Variants in LIMS1 observed in about 807,000 individuals in gnomAD.
LIMS1 encodes the protein LIM and senescent cell antigen-like-containing domain protein 1.
Under a neutral mutation model 44.1 loss-of-function variants are expected in LIMS1, and 18 were observed. The observed-to-expected ratio is 0.41, with a 90% CI of 0.28 to 0.61. LIMS1 has a LOEUF of 0.61. LIMS1 is among the 20% of genes least tolerant of loss of function. The pLI, the probability that LIMS1 is intolerant of heterozygous loss-of-function variation, is 0.32. For synonymous variants in LIMS1, 93 were observed against 149.1 expected, an observed-to-expected ratio of 0.62 and a Z score of 2.74; for missense variants, 201 against 422.0, an observed-to-expected ratio of 0.48 and a Z score of 4.59.
chr2:108,644,859 G>GT (rs1409676442), intron 1 of LIMS1, among the ~76,000 whole-genome samples: 1 of 151,756 alleles, frequency 6.6e-6, no homozygotes, highest in Non-Finnish European at 1.5e-5. Flanking sequence ...GCACACACAA[G>GT]TATCAACAGC....
rs748139495 is a variant in LIMS1, at chr2:108,680,644, C to T, written c.824-51C>T. ...AGTTGAAATTCTAAGCTGCCCTGCT[C>T]CCCATACTGATGTATTTCCATGTGA... On this transcript the variant is annotated intron_variant, in intron 8 of 9. Transcript: ENST00000544547. The T allele has an allele frequency of 1.1e-5, 18 of 1,608,788 alleles. No individual in the cohort carries two copies. The East Asian group carries it at 3.3e-4, about 30-fold the overall frequency.
chr2:108,684,065 C>A, exon 10 of LIMS1: 1 of 791,654 alleles, frequency 1.3e-6, no homozygotes, highest in Non-Finnish European at 2.1e-6. Flanking sequence ...TTGATCTACC[C>A]ATATTTAAAG....
chr2:108,634,355 G>A (rs1383789124), intron 1 of LIMS1, among the ~76,000 whole-genome samples: 1 of 152,196 alleles, frequency 6.6e-6, no homozygotes, highest in African/African-American at 2.4e-5. Context: ...TAGATAATGA[G>A]GAAAGAGAAG....
At chr2:108,644,039 C>T (rs1034586431) in intron 1 of LIMS1, among the ~76,000 whole-genome samples, 14 of 152,154 alleles carry the variant, frequency 9.2e-5, no homozygotes, top group South Asian at 2.1e-4. Flanking sequence ...CAGATAAAAC[C>T]GTCACCTCCC....
chr2:108,641,278 A>C (rs551780532), intron 1 of LIMS1, among the ~76,000 whole-genome samples: 1 of 152,216 alleles, frequency 6.6e-6, no homozygotes, highest in Non-Finnish European at 1.5e-5. Flanking sequence ...TACAGTTAAG[A>C]TATCATAAAG....
chr2:108,681,212 C>T (rs1180056639), intron 9 of LIMS1: 2 of 1,252,152 alleles, frequency 1.6e-6, no homozygotes, highest in Non-Finnish European at 2.0e-6. Flanking sequence ...TGCTTTCTTC[C>T]CCCCCTGCAA....
At chr2:108,615,576 G>A (rs960048076) in intron 1 of LIMS1, among the ~76,000 whole-genome samples, 9 of 152,144 alleles carry the variant, frequency 5.9e-5, no homozygotes, top group African/African-American at 2.2e-4. Flanking sequence ...TCATGGAGAA[G>A]GATCTGGGGA....
intron 1 of LIMS1, among the ~76,000 whole-genome samples, chr2:108,574,485 C>T (rs1573354296): frequency 6.6e-6 from 1 of 152,146 alleles, no homozygotes; most frequent in East Asian, 1.9e-4. Context: ...TGACCCAAAC[C>T]TTTCACTCGA....
At chr2:108,549,090 T>G (rs1684588601) in intron 1 of LIMS1, among the ~76,000 whole-genome samples, 1 of 152,116 alleles carries the variant, frequency 6.6e-6, no homozygotes, top group South Asian at 2.1e-4. Flanking sequence ...TTGCATATAG[T>G]AGCCATTCAG....
chr2:108,549,910 C>G (rs973884385), intron 1 of LIMS1, among the ~76,000 whole-genome samples: 5 of 152,058 alleles, frequency 3.3e-5, no homozygotes, highest in African/African-American at 1.2e-4. Context: ...TTAATCAAAT[C>G]TAAGAACGTG....
At chr2:108,612,701 C>T (rs1256957713) in intron 1 of LIMS1, among the ~76,000 whole-genome samples, 1 of 152,098 alleles carries the variant, frequency 6.6e-6, no homozygotes, top group Non-Finnish European at 1.5e-5. Context: ...TCACGAGGCT[C>T]CTTTCAGAAC....
intron 1 of LIMS1, among the ~76,000 whole-genome samples, chr2:108,554,244 A>T (rs1462576649): frequency 6.6e-6 from 1 of 152,170 alleles, no homozygotes; most frequent in Non-Finnish European, 1.5e-5. Context: ...TCCTGTGGAA[A>T]ATCTAGGAGA....
At chr2:108,572,689 C>CT (rs1348629832) in intron 1 of LIMS1, among the ~76,000 whole-genome samples, 1 of 152,102 alleles carries the variant, frequency 6.6e-6, no homozygotes, top group Non-Finnish European at 1.5e-5. Context: ...CGGCCTGACT[C>CT]TTTTGCTCTT....
At chr2:108,556,509 G>T (rs973210585) in intron 1 of LIMS1, among the ~76,000 whole-genome samples, 2 of 152,134 alleles carry the variant, frequency 1.3e-5, no homozygotes, top group African/African-American at 4.8e-5. Context: ...TGGTAATTCT[G>T]TGTTTACCTT....
At chr2:108,669,851 A>G (rs1324471294) in intron 2 of LIMS1, among the ~76,000 whole-genome samples, 2 of 152,124 alleles carry the variant, frequency 1.3e-5, no homozygotes, top group East Asian at 3.8e-4. Flanking sequence ...GGGCAGCCCT[A>G]CTCATTTCAC....
intron 1 of LIMS1, among the ~76,000 whole-genome samples, chr2:108,560,573 G>C (rs902301843): frequency 2.0e-5 from 3 of 151,872 alleles, no homozygotes; most frequent in East Asian, 3.9e-4. Flanking sequence ...CTCCGTAACT[G>C]TCCTATCAAA....
chr2:108,612,029 T>TACACACACACACAC, intron 1 of LIMS1, among the ~76,000 whole-genome samples: 1 of 79,952 alleles, frequency 1.3e-5, no homozygotes, highest in African/African-American at 4.5e-5. Flanking sequence ...CACACACATA[T>TACACACACACACAC]ACACACACAC....
At chr2:108,564,242 AT>A (rs892375128) in intron 1 of LIMS1, among the ~76,000 whole-genome samples, 2 of 152,140 alleles carry the variant, frequency 1.3e-5, no homozygotes, top group African/African-American at 4.8e-5. Context: ...GCAATAAAGT[AT>A]TTTAAAATTA....
intron 1 of LIMS1, among the ~76,000 whole-genome samples, chr2:108,557,968 A>T (rs1684980213): frequency 6.6e-6 from 1 of 152,236 alleles, no homozygotes; most frequent in Admixed American, 6.5e-5. Context: ...CAAAAGGCTG[A>T]ATGTATGAAG....
Sources: allele counts gnomAD v4.1 joint callset (sites outside exome capture counted in the v4.1 genomes callset), GRCh38; gene constraint gnomAD v4.1.1; transcripts MANE v1.5; gene names NCBI Gene and HGNC (gene_info 2026-07-23, HGNC 2026-07-21).